TUBA1A: variants seen among roughly 807,000 people sequenced by gnomAD.
TUBA1A encodes tubulin alpha 1a.
In TUBA1A, 7 loss-of-function variants were observed where a neutral mutation model predicts 34.6. The ratio of observed to expected loss-of-function variants is 0.20; its 90% CI spans 0.11 to 0.38. TUBA1A has a LOEUF of 0.38. Ranked by LOEUF, TUBA1A falls within the 10% of genes least tolerant of loss-of-function variation. The pLI is 1.00. For synonymous variants in TUBA1A, 193 were observed against 210.2 expected (o/e 0.92, Z 0.71); for missense variants, 19 against 581.3 (o/e 0.03, Z 9.95).
intron 1 of TUBA1A, chr12:49,187,828 T>C (rs1307555839): frequency 1.0e-6 from 1 of 984,674 alleles, no homozygotes; most frequent in African/African-American, 1.8e-5. Flanking sequence ...ATTCATATTC[T>C]TTGCATCCAA....
Position 49,188,031 on chromosome 12 carries a change from C to G in TUBA1A, c.3+946G>C. 2 of 961,610 alleles carry G rather than the reference C, an allele frequency of 2.1e-6. No individual in the cohort carries two copies. Among genetic ancestry groups the G allele is most frequent in the Non-Finnish European group, 2.5e-6 (2 of 810,966 alleles). The allele number at this position is 961,610 out of a possible 1,614,324, so 59.6% of individuals were successfully genotyped here. ...GTCCAGACAGACAGACAGACACACACACACACACACACACACTTCAGTCGG... is the reference window on the plus strand; with the variant it reads ...GTCCAGACAGACAGACAGACACACAGACACACACACACACACTTCAGTCGG... On this transcript the variant is annotated intron_variant, in intron 1 of 3. Transcript: ENST00000301071. The surrounding 1 kb of genome is among the most constrained non-coding windows in gnomAD (Gnocchi z 4.9).
Position 49,188,760 on chromosome 12 carries a change from C to A in TUBA1A, c.3+217G>T. Reference sequence around the variant, plus strand: ...GCGCCGCCTTTGTTCCTCCCCAGCGCTCTGCTGCGCCCTGGGCGCAGTACT... The same window carrying A: ...GCGCCGCCTTTGTTCCTCCCCAGCGATCTGCTGCGCCCTGGGCGCAGTACT... On this transcript the variant is annotated intron_variant, in intron 1 of 3. Transcript: ENST00000301071. This position sits in a 1 kb window ranked among gnomAD's most constrained non-coding sequence, Gnocchi z 4.9. 2.6e-6 allele frequency: 4 copies of A among 1,510,480 alleles called. No homozygotes were observed. Among genetic ancestry groups the A allele is most frequent in the Non-Finnish European group, 3.5e-6 (4 of 1,141,330 alleles). The allele number at this position is 1,510,480 out of a possible 1,614,324, so 93.6% of individuals were successfully genotyped here.
rs1175622426 is a variant in TUBA1A, at chr12:49,187,497, A to C, written c.4-664T>G. 5 of 985,922 alleles carry C rather than the reference A, an allele frequency of 5.1e-6. No individual in the cohort carries two copies. The East Asian group carries it at 3.4e-4, about 67-fold the overall frequency. The allele number at this position is 985,922 out of a possible 1,614,324, so 61.1% of individuals were successfully genotyped here. ...TTTTCCTCCTCTGACCCCGCCCGGG[A>C]CCATGTGCCTGAATTGAAATGAATT... is the stretch of plus-strand genomic sequence containing the variant. On this transcript the variant is annotated intron_variant, in intron 1 of 3. Coordinates refer to ENST00000301071, the MANE Select transcript of TUBA1A (RefSeq NM_006009.4).
Position 49,186,871 on chromosome 12 carries a change from G to T in TUBA1A, c.4-38C>A, listed in dbSNP as rs376339966. On this transcript the variant is annotated intron_variant, in intron 1 of 3. Transcript: ENST00000301071. This position sits in a 1 kb window ranked among gnomAD's most constrained non-coding sequence, Gnocchi z 6.6. ...AAAGTGAAAAAATCGTAAAATTAAGGTGTATTAGCATTTCAAACTTATAGG... is the reference window on the plus strand; with the variant it reads ...AAAGTGAAAAAATCGTAAAATTAAGTTGTATTAGCATTTCAAACTTATAGG... The T allele has an allele frequency of 8.1e-6, 13 of 1,613,600 alleles. No individual in the cohort carries two copies. In the East Asian group the frequency reaches 2.7e-4, roughly 33 times the overall value.
In TUBA1A at chr12:49,186,532, G is replaced by A. The variant is rs1380551234; in HGVS notation, c.227-74C>T. The A allele has an allele frequency of 2.5e-6, 4 of 1,612,566 alleles. No homozygotes were observed. The highest frequency in any genetic ancestry group is 2.5e-6 in the Non-Finnish European group (3 of 1,178,854). ...AGGAGCGGGGAGGGAGAGTGGGTGA[G>A]TGACCAGCGGAGCCCCCCAGGACAG... On this transcript the variant is annotated intron_variant, in intron 2 of 3. Coordinates refer to ENST00000301071, the MANE Select transcript of TUBA1A (RefSeq NM_006009.4). This position sits in a 1 kb window ranked among gnomAD's most constrained non-coding sequence, Gnocchi z 6.6.
chr12:49,186,497 A>T lies in TUBA1A; in HGVS notation c.227-39T>A, dbSNP rs754803466. 2.5e-6 allele frequency: 4 copies of T among 1,600,308 alleles called. No individual in the cohort carries two copies. Among genetic ancestry groups the T allele is most frequent in the Non-Finnish European group, 2.6e-6 (3 of 1,171,032 alleles). On this transcript the variant is annotated intron_variant, in intron 2 of 3. Coordinates refer to ENST00000301071, the MANE Select transcript of TUBA1A (RefSeq NM_006009.4). This position sits in a 1 kb window ranked among gnomAD's most constrained non-coding sequence, Gnocchi z 6.6. ...TGGGGGAGGAGCAGGGGGGAGGAGG[A>T]GGAGGGACGAGGAGCGGGGAGGGAG...
At position 49,186,663 on chromosome 12, in the gene TUBA1A, A is replaced by G. The variant is rs1592260421; in HGVS notation, c.174T>C (p.Ala58=). The change falls in exon 2 of 4, where the codon GCT becomes GCC. Residue 58 remains alanine (A), a synonymous_variant. Transcript: ENST00000301071. This position sits in a 1 kb window ranked among gnomAD's most constrained non-coding sequence, Gnocchi z 6.6. ...ACACTGCCCGGGGCACATGCTTGCC[A>G]GCCCCCGTCTCACTGAAGAAGGTGT... ...SFNTFFSETG[A]GKHVPRAVFV... 3.1e-6 allele frequency: 5 copies of G among 1,614,200 alleles called. No homozygotes were observed. The highest frequency in any genetic ancestry group is 4.2e-6 in the Non-Finnish European group (5 of 1,180,022).
chr12:49,186,535 A>C lies in TUBA1A; in HGVS notation c.226+76T>G, dbSNP rs760286883. The C allele has an allele frequency of 9.3e-6, 15 of 1,612,520 alleles. No homozygotes were observed. In the Admixed American group the frequency reaches 2.5e-4, roughly 27 times the overall value. ...AGCGGGGAGGGAGAGTGGGTGAGTG[A>C]CCAGCGGAGCCCCCCAGGACAGACC... On this transcript the variant is annotated intron_variant, in intron 2 of 3. Transcript: ENST00000301071. This position sits in a 1 kb window ranked among gnomAD's most constrained non-coding sequence, Gnocchi z 6.6.
chr12:49,186,367 C>T lies in TUBA1A; in HGVS notation c.318G>A (p.Gly106=). The change falls in exon 3 of 4, where the codon GGG becomes GGA. Residue 106 remains glycine, a synonymous_variant. Transcript: ENST00000301071. The surrounding 1 kb of genome is among the most constrained non-coding windows in gnomAD (Gnocchi z 6.6). ...TGATCTCCTTGCCAATGGTGTAGTGCCCTCGGGCATAGTTATTGGCAGCAT... is the reference window on the plus strand; with the variant it reads ...TGATCTCCTTGCCAATGGTGTAGTGTCCTCGGGCATAGTTATTGGCAGCAT... ...KEDAANNYAR[G]HYTIGKEIID... The T allele has an allele frequency of 8.1e-6, 13 of 1,613,784 alleles. No homozygotes were observed. Among genetic ancestry groups the T allele is most frequent in the Non-Finnish European group, 1.1e-5 (13 of 1,180,032 alleles).
rs896621188 is a variant in TUBA1A at position 49,188,143 on chromosome 12, A to T, written c.3+834T>A. On this transcript the variant is annotated intron_variant, in intron 1 of 3. Coordinates refer to ENST00000301071, the MANE Select transcript of TUBA1A (RefSeq NM_006009.4). The surrounding 1 kb of genome is among the most constrained non-coding windows in gnomAD (Gnocchi z 4.9). Reference sequence around the variant, plus strand: ...GTCGGTCAGGGCAGGGCGTCCCCAGACCAGACATTAAAGAGCTTGTGAAGT... The same window carrying T: ...GTCGGTCAGGGCAGGGCGTCCCCAGTCCAGACATTAAAGAGCTTGTGAAGT... 97 of 984,458 alleles carry T rather than the reference A, an allele frequency of 9.9e-5. No homozygotes were observed. Among genetic ancestry groups the T allele is most frequent in the Non-Finnish European group, 1.1e-4 (92 of 829,822 alleles). The allele number at this position is 984,458 out of a possible 1,614,324, so 61.0% of individuals were successfully genotyped here.
rs1942212068 is a variant in TUBA1A at position 49,188,528 on chromosome 12, C to G, written c.3+449G>C. 6.6e-7 allele frequency: 1 copy of G among 1,511,358 alleles called. No homozygotes were observed. The highest frequency in any genetic ancestry group is 2.0e-5 in the Admixed American group (1 of 49,122). The allele number at this position is 1,511,358 out of a possible 1,614,324, so 93.6% of individuals were successfully genotyped here. On this transcript the variant is annotated intron_variant, in intron 1 of 3. Coordinates refer to ENST00000301071, the MANE Select transcript of TUBA1A (RefSeq NM_006009.4). The surrounding 1 kb of genome is among the most constrained non-coding windows in gnomAD (Gnocchi z 4.9). ...GTTCCCGTTCCCCCTCCCACGTCCCCCAGCTCGCCCAACGCCCCCGCTCTT... is the reference window on the plus strand; with the variant it reads ...GTTCCCGTTCCCCCTCCCACGTCCCGCAGCTCGCCCAACGCCCCCGCTCTT...
In TUBA1A at chr12:49,188,913, C is replaced by T; in HGVS notation, c.3+64G>A. 6.2e-7 allele frequency: 1 copy of T among 1,614,120 alleles called. No homozygotes were observed. Among genetic ancestry groups the T allele is most frequent in the Middle Eastern group, 1.6e-4 (1 of 6,062 alleles). On this transcript the variant is annotated intron_variant, in intron 1 of 3. Transcript: ENST00000301071. This position sits in a 1 kb window ranked among gnomAD's most constrained non-coding sequence, Gnocchi z 4.9. ...CGAAAGAAAAGAGCTTAAAGGTTTT[C>T]CAAGTAGAGCCTGGGGGCGCTGACT...
At chr12:49,187,772 A>C in intron 1 of TUBA1A, 1 of 984,994 alleles carries the variant, frequency 1.0e-6, no homozygotes, top group Non-Finnish European at 1.2e-6. Context: ...TATTTAAAAC[A>C]ACAAAATAGT....
Position 49,188,768 on chromosome 12 carries a change from C to T in TUBA1A, c.3+209G>A. ...TTTGTTCCTCCCCAGCGCTCTGCTG[C>T]GCCCTGGGCGCAGTACTGGCCCGGT... On this transcript the variant is annotated intron_variant, in intron 1 of 3. Transcript: ENST00000301071. The surrounding 1 kb of genome is among the most constrained non-coding windows in gnomAD (Gnocchi z 4.9). 6.5e-7 allele frequency: 1 copy of T among 1,528,532 alleles called. No individual in the cohort carries two copies. Among genetic ancestry groups the T allele is most frequent in the Non-Finnish European group, 8.7e-7 (1 of 1,149,066 alleles). The allele number at this position is 1,528,532 out of a possible 1,614,324, so 94.7% of individuals were successfully genotyped here.
In TUBA1A at chr12:49,184,987, A is replaced by T; in HGVS notation, c.*23T>A. On this transcript the variant is annotated 3_prime_UTR_variant, in exon 4 of 4. Transcript: ENST00000301071. ...ACAGAATAAGCTTCCCTGTAAAAGC[A>T]GCACCTTTGTGACGTTTTAACTTTA... The T allele has an allele frequency of 6.2e-7, 1 of 1,614,076 alleles. No individual in the cohort carries two copies. Among genetic ancestry groups the T allele is most frequent in the Non-Finnish European group, 8.5e-7 (1 of 1,179,918 alleles).
At chr12:49,187,364 T>G in intron 1 of TUBA1A, 1 of 1,027,744 alleles carries the variant, frequency 9.7e-7, no homozygotes, top group Non-Finnish European at 1.2e-6. Context: ...GCTGCATTGC[T>G]GTATTTGCTG....
intron 1 of TUBA1A, chr12:49,187,370 T>A (rs538212134): frequency 1.9e-6 from 2 of 1,026,258 alleles, no homozygotes; most frequent in African/African-American, 3.5e-5. Context: ...TTGCTGTATT[T>A]GCTGTGCCTG....
At chr12:49,187,623 C>A in intron 1 of TUBA1A, 1 of 984,028 alleles carries the variant, frequency 1.0e-6, no homozygotes, top group Non-Finnish European at 1.2e-6. Flanking sequence ...AAAGGTTTTT[C>A]CAGATCTTCT....
Position 49,186,151 on chromosome 12 carries a change from A to T in TUBA1A, c.375+159T>A, listed in dbSNP as rs1942177909. On this transcript the variant is annotated intron_variant, in intron 3 of 3. Transcript: ENST00000301071. This position sits in a 1 kb window ranked among gnomAD's most constrained non-coding sequence, Gnocchi z 6.6. ...TCATTAACATTTACAAAATGACATCAAATAGTTCATTTTAACTGAATTTTA... is the reference window on the plus strand; with the variant it reads ...TCATTAACATTTACAAAATGACATCTAATAGTTCATTTTAACTGAATTTTA... 1 of 1,535,546 alleles carries T rather than the reference A, an allele frequency of 6.5e-7. No homozygotes were observed. The highest frequency in any genetic ancestry group is 8.8e-7 in the Non-Finnish European group (1 of 1,134,606).
Sources: gnomAD v4.1 joint callset for allele counts on GRCh38, gnomAD v4.1.1 for gene constraint, Gnocchi (gnomAD v3.1) non-coding constraint, MANE v1.5 for transcripts, NCBI Gene and HGNC (gene_info 2026-07-23, HGNC 2026-07-21) for gene names.